Variants in COBLL1 observed in about 807,000 individuals in gnomAD.
COBLL1 encodes the protein cordon-bleu protein-like 1.
Under a neutral mutation model 94.8 loss-of-function variants are expected in COBLL1, and 50 were observed. The observed-to-expected ratio is 0.53, with a 90% CI of 0.42 to 0.67. COBLL1 has a LOEUF of 0.67. Among genes scored for constraint, COBLL1 ranks in the 30% least tolerant of loss-of-function variants. The probability of loss-of-function intolerance (pLI) is 0.00; values close to 1 mark genes in which losing one functional copy is unlikely to be tolerated. For missense variants in COBLL1, 1,362 were observed against 1,348.7 expected, an observed-to-expected ratio of 1.01 and a Z score of -0.15; for synonymous variants, 448 against 473.8, an observed-to-expected ratio of 0.95 and a Z score of 0.71.
intron 3 of COBLL1, among the ~76,000 whole-genome samples, chr2:164,742,119 A>G (rs1174744126): frequency 1.3e-5 from 2 of 152,136 alleles, no homozygotes; most frequent in Admixed American, 1.3e-4. Context: ...AAAGTCTAAA[A>G]TAACTATGAC....
At chr2:164,781,460 C>T (rs1688720393) in intron 2 of COBLL1, among the ~76,000 whole-genome samples, 1 of 152,198 alleles carries the variant, frequency 6.6e-6, no homozygotes, top group African/African-American at 2.4e-5. Context: ...AAATCAGAAG[C>T]TTTCATGTTC....
chr2:164,776,084 A>AC (rs1328907272), intron 2 of COBLL1, among the ~76,000 whole-genome samples: 4 of 146,926 alleles, frequency 2.7e-5, no homozygotes, highest in East Asian at 2.0e-4. Flanking sequence ...ACTTCAACAA[A>AC]CCCCCCCAGT....
Position 164,685,209 on chromosome 2 carries a change from G to A in COBLL1, c.*737C>T, listed in dbSNP as rs1683218157. 1 of 151,870 alleles carries A rather than the reference G, an allele frequency of 6.6e-6. No individual in the cohort carries two copies. Among genetic ancestry groups the A allele is most frequent in the Non-Finnish European group, 1.5e-5 (1 of 67,968 alleles). The allele number at this position is 151,870 out of a possible 1,614,324, so 9.4% of individuals were successfully genotyped here. On this transcript the variant is annotated 3_prime_UTR_variant, in exon 14 of 14. Transcript: ENST00000652658. The stretch of plus-strand genomic sequence containing the variant: ...CACAGAAAGATGTTTAAGGCTTCTG[G>A]CACATAAAATGTGTAATTTCTGTGT...
In COBLL1 at chr2:164,838,793, T is replaced by G. The variant is rs1683444700; in HGVS notation, c.41+2363A>C. On this transcript the variant is annotated intron_variant, in intron 2 of 13. Transcript: ENST00000652658. Reference sequence around the variant, plus strand: ...AGACTAAACTAGGCTTCATTGTCTATTAAAGTAATGAGTTATGATATAATT... The same window carrying G: ...AGACTAAACTAGGCTTCATTGTCTAGTAAAGTAATGAGTTATGATATAATT... 4.6e-5 allele frequency among the ~76,000 whole-genome samples: 7 copies of G among 152,338 alleles called. No homozygotes were observed. In the South Asian group the frequency reaches 1.5e-3, roughly 32 times the overall value.
At chr2:164,719,833 A>G (rs1685357021) in intron 7 of COBLL1, among the ~76,000 whole-genome samples, 1 of 152,178 alleles carries the variant, frequency 6.6e-6, no homozygotes, top group African/African-American at 2.4e-5. Context: ...CACAAACTCA[A>G]AAAAGAAGAG....
chr2:164,753,474 C>A (rs1687226865), intron 2 of COBLL1, among the ~76,000 whole-genome samples: 1 of 151,764 alleles, frequency 6.6e-6, no homozygotes, highest in African/African-American at 2.4e-5. Flanking sequence ...GCAGAGATTT[C>A]TATTATCTTA....
At chr2:164,747,510 G>T (rs576690015) in intron 2 of COBLL1, among the ~76,000 whole-genome samples, 173 of 152,216 alleles carry the variant, frequency 1.1e-3, no homozygotes, top group African/African-American at 4.1e-3. Context: ...TTAAGACAGG[G>T]TCTGGCTCTG....
rs578001572 is a variant in COBLL1 at position 164,794,369 on chromosome 2, G to A, written c.41+46787C>T. Among the ~76,000 whole-genome samples the A allele has an allele frequency of 1.6e-4, 25 of 152,276 alleles. 1 individual carries two copies. The highest frequency in any genetic ancestry group is 1.5e-3 in the Admixed American group (23 of 15,288). On this transcript the variant is annotated intron_variant, in intron 2 of 13. Coordinates refer to ENST00000652658, the MANE Select transcript of COBLL1 (RefSeq NM_001365672.2). ...TTAAGCATAAAAAGAATGTCTTTGA[G>A]TTTGGGAGGTATGTTACACCTAGGG...
Position 164,743,829 on chromosome 2 carries a change from A to G in COBLL1, c.88T>C (p.Tyr30His). 1 of 1,609,064 alleles carries G rather than the reference A, an allele frequency of 6.2e-7. No homozygotes were observed. The highest frequency in any genetic ancestry group is 8.5e-7 in the Non-Finnish European group (1 of 1,176,698). Residue 30 changes from tyrosine (Y) to histidine (H), a missense_variant, in exon 3 of 14, where the codon TAT becomes CAT. Physicochemically the swap from Tyr to His is moderately conservative, Grantham distance 83. Coordinates refer to ENST00000652658, the MANE Select transcript of COBLL1 (RefSeq NM_001365672.2). ...KAPLPPAETK[Y>H]TDVSSAADSV... The stretch of plus-strand genomic sequence containing the variant: ...TCAGCAGCTGAAGAGACATCAGTAT[A>G]TTTGGTCTCAGCTGGAGGAAGTGGT...
chr2:164,689,078 T>C (rs1683455882), intron 13 of COBLL1, among the ~76,000 whole-genome samples: 1 of 152,168 alleles, frequency 6.6e-6, no homozygotes, highest in Non-Finnish European at 1.5e-5. Flanking sequence ...GATTTATTAA[T>C]GCTTTACTTG....
chr2:164,660,233 C>A (rs970946630), intron 2 of COBLL1, among the ~76,000 whole-genome samples: 1 of 152,146 alleles, frequency 6.6e-6, no homozygotes, highest in Non-Finnish European at 1.5e-5. Context: ...CCAAGAGACA[C>A]AGTAATATTG....
intron 2 of COBLL1, among the ~76,000 whole-genome samples, chr2:164,768,052 TAAG>T (rs1434563840): frequency 1.3e-5 from 2 of 152,168 alleles, no homozygotes; most frequent in African/African-American, 4.8e-5. Flanking sequence ...GACTGAAGTT[TAAG>T]AACTTCTACA....
At chr2:164,660,246 T>C (rs1331052959) in intron 2 of COBLL1, among the ~76,000 whole-genome samples, 1 of 152,200 alleles carries the variant, frequency 6.6e-6, no homozygotes, top group Non-Finnish European at 1.5e-5. Context: ...TAATATTGCA[T>C]TGATTTGGAA....
chr2:164,814,850 C>T (rs1224081133), intron 2 of COBLL1, among the ~76,000 whole-genome samples: 1 of 152,146 alleles, frequency 6.6e-6, no homozygotes, highest in Non-Finnish European at 1.5e-5. Context: ...CTCCACCCTC[C>T]AAGTTCTCTT....
intron 1 of COBLL1, among the ~76,000 whole-genome samples, chr2:164,674,190 A>G (rs1691297853): frequency 6.6e-6 from 1 of 152,124 alleles, no homozygotes; most frequent in South Asian, 2.1e-4. Flanking sequence ...CCTCCCGAGT[A>G]GCTGGAACTA....
chr2:164,791,035 G>GT (rs1475425609), intron 2 of COBLL1, among the ~76,000 whole-genome samples: 2 of 152,052 alleles, frequency 1.3e-5, no homozygotes, highest in African/African-American at 4.8e-5. Flanking sequence ...ATTCTGAAAA[G>GT]TTATGTATAT....
chr2:164,805,287 G>GTCTC (rs543005860), intron 2 of COBLL1, among the ~76,000 whole-genome samples: 21 of 34,244 alleles, frequency 6.1e-4, no homozygotes, highest in South Asian at 2.4e-3. Flanking sequence ...CTCTCTGTCT[G>GTCTC]TCTCTCTCTC....
chr2:164,842,010 C>A, upstream of COBLL1: 1 of 1,539,984 alleles, frequency 6.5e-7, no homozygotes, highest in Non-Finnish European at 8.7e-7. Flanking sequence ...CTCTGCAGCA[C>A]GGCCGCACAT....
chr2:164,678,037 G>A (rs1419471738), downstream of COBLL1, among the ~76,000 whole-genome samples: 3 of 152,064 alleles, frequency 2.0e-5, no homozygotes, highest in East Asian at 1.9e-4. Flanking sequence ...GCTTTTCTTC[G>A]TGTTTGCTAG....
Sources: gnomAD v4.1 joint callset for allele counts (sites outside exome capture counted in the v4.1 genomes callset) on GRCh38, gnomAD v4.1.1 for gene constraint, MANE v1.5 for transcripts, NCBI Gene and HGNC (gene_info 2026-07-23, HGNC 2026-07-21) for gene names.